EYS: variants seen among roughly 807,000 people sequenced by gnomAD.
The protein encoded by EYS is protein eyes shut homolog.
EYS carries 250 observed loss-of-function variants against 282.1 expected under a neutral mutation model. That is an observed-to-expected ratio of 0.89 (90% CI 0.80 to 0.98). EYS has a LOEUF of 0.98. Among genes scored for constraint, EYS ranks in the 50% least tolerant of loss-of-function variants. The pLI, the probability that EYS is intolerant of heterozygous loss-of-function variation, is 0.00. For synonymous variants in EYS, 1,355 were observed against 1,282.9 expected, an observed-to-expected ratio of 1.06 and a Z score of -1.20; for missense variants, 4,016 against 3,709.0, an observed-to-expected ratio of 1.08 and a Z score of -2.15.
intron 12 of EYS, among the ~76,000 whole-genome samples, chr6:65,244,031 C>G (rs1222283604): frequency 6.6e-6 from 1 of 152,152 alleles, no homozygotes; most frequent in East Asian, 1.9e-4. Flanking sequence ...TCTCTCCATC[C>G]CTTCATCTGA....
chr6:64,401,520 A>G (rs1561974290), intron 28 of EYS, among the ~76,000 whole-genome samples: 1 of 152,048 alleles, frequency 6.6e-6, no homozygotes, highest in Non-Finnish European at 1.5e-5. Context: ...TTTGATGAAG[A>G]CACACTTTTT....
At chr6:64,295,131 T>G (rs1258904602) in intron 30 of EYS, among the ~76,000 whole-genome samples, 1 of 150,970 alleles carries the variant, frequency 6.6e-6, no homozygotes, top group Non-Finnish European at 1.5e-5. Context: ...CCCCAGCACT[T>G]TAGGAGGCCG....
In EYS at chr6:64,912,746, G is replaced by A. The variant is rs750891930; in HGVS notation, c.2382-3C>T. ...TCCATCCAGATGTACACTCACATCT[G>A]AAATAAAATATTAAAATTTTTAGAA... On this transcript the variant is annotated splice_region_variant and splice_polypyrimidine_tract_variant and intron_variant, in intron 15 of 42. Transcript: ENST00000503581. The A allele has an allele frequency of 3.8e-5, 50 of 1,326,674 alleles. No homozygotes were observed. The highest frequency in any genetic ancestry group is 4.3e-5 in the Non-Finnish European group (44 of 1,028,862). 82.2% of individuals were successfully genotyped at this position (1,326,674 alleles called of 1,614,324 possible).
At position 63,726,569 on chromosome 6, in the gene EYS, G is replaced by A. The variant is rs752055698; in HGVS notation, c.8183C>T (p.Ala2728Val). 3.2e-6 allele frequency: 5 copies of A among 1,551,278 alleles called. No homozygotes were observed. Among genetic ancestry groups the A allele is most frequent in the Admixed American group, 2.0e-5 (1 of 50,974 alleles). Residue 2728 changes from alanine (A) to valine (V), a missense_variant, in exon 42 of 43, where the codon GCT becomes GTT. Physicochemically the swap from Ala to Val is moderately conservative, Grantham distance 64 (BLOSUM62 0). Coordinates refer to ENST00000503581, the MANE Select transcript of EYS (RefSeq NM_001142800.2). ...AGCATAAAATAGGATACCATCTGCA[G>A]CGAGAGGCTGAAACTGCAATTGAAT... Reference protein sequence around the residue: ...THIQLQFQPLAADGILFYAAQ... With the variant: ...THIQLQFQPLVADGILFYAAQ...
intron 2 of EYS, among the ~76,000 whole-genome samples, chr6:65,595,564 C>T (rs2149787068): frequency 6.6e-6 from 1 of 151,752 alleles, no homozygotes; most frequent in South Asian, 2.1e-4. Context: ...ATGGTACTTA[C>T]TTCACAGGAC....
intron 13 of EYS, among the ~76,000 whole-genome samples, chr6:65,016,415 A>C (rs1044133789): frequency 1.3e-5 from 2 of 152,234 alleles, no homozygotes; most frequent in African/African-American, 4.8e-5. Context: ...GCATGTCTTC[A>C]TATGAGTCTA....
At chr6:64,918,025 A>G (rs1272201588) in intron 15 of EYS, among the ~76,000 whole-genome samples, 1 of 152,094 alleles carries the variant, frequency 6.6e-6, no homozygotes, top group African/African-American at 2.4e-5. Context: ...TAATTCATTC[A>G]TTATTTTATT....
intron 33 of EYS, among the ~76,000 whole-genome samples, chr6:64,011,181 T>C (rs1418299613): frequency 6.6e-6 from 1 of 152,206 alleles, no homozygotes; most frequent in Non-Finnish European, 1.5e-5. Flanking sequence ...TAAAGATATG[T>C]TTGTCTTGTT....
At chr6:65,539,349 G>A (rs1203520910) in intron 2 of EYS, among the ~76,000 whole-genome samples, 1 of 152,070 alleles carries the variant, frequency 6.6e-6, no homozygotes, top group Non-Finnish European at 1.5e-5. Context: ...CACTACATAA[G>A]CCAAAGACAT....
At chr6:64,316,154 G>A (rs1000574276) in intron 29 of EYS, among the ~76,000 whole-genome samples, 1 of 152,154 alleles carries the variant, frequency 6.6e-6, no homozygotes, top group Non-Finnish European at 1.5e-5. Context: ...TTGAGAACCG[G>A]CACAAGACAA....
At chr6:65,240,158 C>T (rs1431789075) in intron 12 of EYS, among the ~76,000 whole-genome samples, 6 of 151,874 alleles carry the variant, frequency 4.0e-5, no homozygotes, top group Admixed American at 6.6e-5. Flanking sequence ...TTAGTAGAGA[C>T]GGGGTTTCAC....
chr6:65,517,285 A>T (rs1767172101), intron 2 of EYS, among the ~76,000 whole-genome samples: 2 of 151,812 alleles, frequency 1.3e-5, no homozygotes, highest in Non-Finnish European at 2.9e-5. Flanking sequence ...TTTTTTAAAT[A>T]AAAATAATTG....
At chr6:64,136,286 CAG>C (rs1266704941) in intron 31 of EYS, among the ~76,000 whole-genome samples, 1 of 152,118 alleles carries the variant, frequency 6.6e-6, no homozygotes, top group Non-Finnish European at 1.5e-5. Context: ...TCCACCACAG[CAG>C]AAGTTACTTC....
intron 22 of EYS, among the ~76,000 whole-genome samples, chr6:64,662,348 C>T (rs948309428): frequency 2.3e-4 from 35 of 152,026 alleles, no homozygotes; most frequent in African/African-American, 8.0e-4. Context: ...CTAACCTGCA[C>T]GTTGTGCACA....
intron 19 of EYS, among the ~76,000 whole-genome samples, chr6:64,856,358 T>C (rs541805811): frequency 4.6e-5 from 7 of 152,266 alleles, no homozygotes; most frequent in Middle Eastern, 6.8e-3. Context: ...TGGAGTTCAG[T>C]GGCACAATCT....
rs1582791359 is a variant in EYS at position 64,467,703 on chromosome 6, A to G, written c.5645-28351T>C. Among the ~76,000 whole-genome samples, 2 of 152,028 alleles carry G rather than the reference A, an allele frequency of 1.3e-5. 1 individual carries two copies. Among genetic ancestry groups the G allele is most frequent in the South Asian group, 4.1e-4 (2 of 4,826 alleles). ...CTACTGCTTGTGTACATTACTGGGG[A>G]CCTAGCCATAGGCCTGCTCTGCACA... On this transcript the variant is annotated intron_variant, in intron 26 of 42. Coordinates refer to ENST00000503581, the MANE Select transcript of EYS (RefSeq NM_001142800.2).
intron 41 of EYS, among the ~76,000 whole-genome samples, chr6:63,760,217 A>G (rs761600566): frequency 2.6e-4 from 39 of 152,072 alleles, no homozygotes; most frequent in Non-Finnish European, 4.6e-4. Flanking sequence ...AAACTAGTCC[A>G]TGAAAAAAGC....
intron 33 of EYS, 43 bp from the exon 34 acceptor site, chr6:63,999,226 G>T (rs1446815886): frequency 5.3e-6 from 7 of 1,329,978 alleles, no homozygotes; most frequent in Non-Finnish European, 5.3e-6. Context: ...TGTGTTTTTG[G>T]CAAGAAAGGA....
intron 22 of EYS, among the ~76,000 whole-genome samples, chr6:64,703,425 A>ATTTTTTTT (rs1562144141): frequency 4.8e-4 from 10 of 20,730 alleles, no homozygotes; most frequent in South Asian, 2.3e-3. Context: ...ATATATATAT[A>ATTTTTTTT]TATATTTTTT....
Sources: allele counts gnomAD v4.1 joint callset (sites outside exome capture counted in the v4.1 genomes callset), GRCh38; gene constraint gnomAD v4.1.1; transcripts MANE v1.5; gene names NCBI Gene and HGNC (gene_info 2026-07-23, HGNC 2026-07-21).